GAK: variants seen among roughly 807,000 people sequenced by gnomAD.
GAK encodes the protein cyclin G associated kinase, also known as cyclin-G-associated kinase.
Under a neutral mutation model 143.9 loss-of-function variants are expected in GAK, and 79 were observed. The observed-to-expected ratio is 0.55, with a 90% CI of 0.46 to 0.66. The LOEUF is 0.66. Ranked by LOEUF, GAK falls within the 30% of genes least tolerant of loss-of-function variation. GAK has a pLI of 0.00. For synonymous variants in GAK, 881 were observed against 765.5 expected (o/e 1.15, Z -2.49); for missense variants, 1,693 against 1,779.7 (o/e 0.95, Z 0.88).
rs540513156 is a variant in GAK, at chr4:908,316, C to T, written c.382+3357G>A. ...GCCTCAAACAGAAGACGCAGTGATG[C>T]ATCCACACCAGGAAAACCAAGCAGC... On this transcript the variant is annotated intron_variant, in intron 4 of 27. Transcript: ENST00000314167. Among the ~76,000 whole-genome samples, 4 of 152,280 alleles carry T rather than the reference C, an allele frequency of 2.6e-5. No homozygotes were observed. The South Asian group carries it at 8.3e-4, about 32-fold the overall frequency.
Position 881,993 on chromosome 4 carries a change from G to A in GAK, c.1575C>T (p.Phe525=), listed in dbSNP as rs1315953767. 2 of 1,606,838 alleles carry A rather than the reference G, an allele frequency of 1.2e-6. No individual in the cohort carries two copies. Among genetic ancestry groups the A allele is most frequent in the South Asian group, 1.1e-5 (1 of 89,898 alleles). The change falls in exon 15 of 28, where the codon TTC becomes TTT. Residue 525 remains phenylalanine, a synonymous_variant. Transcript: ENST00000314167. ...SAVAVCSFLC[F]CRLFSTAEAA... Reference sequence around the variant, plus strand: ...CCTCCGCGGTGCTGAAGAGACGGCAGAAGCACAGGAAGGAGCAGACGGCCA... The same window carrying A: ...CCTCCGCGGTGCTGAAGAGACGGCAAAAGCACAGGAAGGAGCAGACGGCCA...
At chr4:872,488 C>G (rs1006098976) in intron 18 of GAK, 1 of 152,304 alleles carries the variant, frequency 6.6e-6, no homozygotes, top group Non-Finnish European at 1.5e-5. Flanking sequence ...TGCAGAGGAG[C>G]CTGCAGGCAC....
chr4:888,445 G>T (rs1716976059), intron 11 of GAK: 1 of 187,310 alleles, frequency 5.3e-6, no homozygotes, highest in Non-Finnish European at 1.1e-5. Flanking sequence ...ACCACAGGCT[G>T]GGACTCACCT....
Position 890,614 on chromosome 4 carries a change from C to T in GAK, c.999G>A (p.Glu333=), listed in dbSNP as rs1370632709. Residue 333 remains glutamate (E), a synonymous_variant, in exon 10 of 28, where the codon GAG becomes GAA. Coordinates refer to ENST00000314167, the MANE Select transcript of GAK (RefSeq NM_005255.4). Reference sequence around the variant, plus strand: ...TGGCGCTCCCGTAGCCTCCATTCTGCTCCAGGAGCTGTGACAATGAAAATG... The same window carrying T: ...TGGCGCTCCCGTAGCCTCCATTCTGTTCCAGGAGCTGTGACAATGAAAATG... The part of the protein sequence containing the change: ...NPKSPITELL[E]QNGGYGSATL... 5 of 1,610,518 alleles carry T rather than the reference C, an allele frequency of 3.1e-6. No homozygotes were observed. The African/African-American group carries it at 4.0e-5, about 13-fold the overall frequency.
Position 851,158 on chromosome 4 carries a change from C to T in GAK, c.3509-74G>A, listed in dbSNP as rs929850713. ...TGTCACCCAGGCCAGAGTGCAATGGCGTGATCTCAGCTCTCTGCAGCCTTT... is the reference window on the plus strand; with the variant it reads ...TGTCACCCAGGCCAGAGTGCAATGGTGTGATCTCAGCTCTCTGCAGCCTTT... On this transcript the variant is annotated intron_variant, in intron 25 of 27. Transcript: ENST00000314167. 2.3e-5 allele frequency: 31 copies of T among 1,338,958 alleles called. 1 individual carries two copies. The highest frequency in any genetic ancestry group is 2.0e-4 in the African/African-American group (14 of 68,852). The allele number at this position is 1,338,958 out of a possible 1,614,324, so 82.9% of individuals were successfully genotyped here. A position where few individuals can be genotyped will look rare whatever the true frequency, so the allele number is the denominator to read the frequency against.
intron 7 of GAK, 50 bp downstream of exon 7, chr4:896,410 A>T: frequency 6.6e-7 from 1 of 1,505,756 alleles, no homozygotes; most frequent in East Asian, 2.3e-5. Context: ...CCTCAGGTTA[A>T]GTAGGGCGCA....
chr4:849,408 A>T lies in GAK; in HGVS notation c.*265T>A. 1 of 526,930 alleles carries T rather than the reference A, an allele frequency of 1.9e-6. No individual in the cohort carries two copies. The highest frequency in any genetic ancestry group is 3.2e-5 in the Admixed American group (1 of 31,560). 32.6% of individuals were successfully genotyped at this position (526,930 alleles called of 1,614,324 possible). On this transcript the variant is annotated 3_prime_UTR_variant, in exon 28 of 28. Transcript: ENST00000314167. ...CGGGGCTCCAGAGGCCACGCCCGAAACACCAAATAAATCACAGACGTGACA... is the reference window on the plus strand; with the variant it reads ...CGGGGCTCCAGAGGCCACGCCCGAATCACCAAATAAATCACAGACGTGACA...
intron 7 of GAK, among the ~76,000 whole-genome samples, 163 bp downstream of exon 7, chr4:896,297 C>T (rs1216604486): frequency 6.6e-6 from 1 of 152,142 alleles, no homozygotes; most frequent in Non-Finnish European, 1.5e-5. Context: ...ACAGTGGCAG[C>T]CACAGTGATT....
intron 5 of GAK, 53 bp from the exon 6 acceptor site, chr4:898,211 C>G: frequency 6.2e-7 from 1 of 1,603,310 alleles, no homozygotes; most frequent in Non-Finnish European, 8.5e-7. Flanking sequence ...AGAGATGGGA[C>G]TTCAGGGAAA....
At chr4:856,427 C>CT (rs1560281040) in intron 24 of GAK, among the ~76,000 whole-genome samples, 21 of 140,914 alleles carry the variant, frequency 1.5e-4, no homozygotes, top group African/African-American at 2.7e-4. Flanking sequence ...CAGCTGCTCA[C>CT]ACCTGCTCAC....
intron 6 of GAK, 62 bp from the exon 7 acceptor site, chr4:896,611 G>A: frequency 2.4e-6 from 3 of 1,274,312 alleles, no homozygotes; most frequent in East Asian, 4.7e-5. Context: ...TTTTTATGTT[G>A]CACCACTTCC....
intron 5 of GAK, among the ~76,000 whole-genome samples, chr4:902,685 G>A (rs1720165971): frequency 6.6e-6 from 1 of 151,440 alleles, no homozygotes; most frequent in South Asian, 2.1e-4. Flanking sequence ...CCAGGCACAG[G>A]CTTCACAGAT....
chr4:903,255 T>C (rs569662909), intron 5 of GAK, among the ~76,000 whole-genome samples: 82 of 151,614 alleles, frequency 5.4e-4, no homozygotes, highest in Middle Eastern at 3.4e-3. Context: ...CAGTGGCTCA[T>C]GCCCACATCA....
At chr4:912,114 C>T (rs952983751) in intron 3 of GAK, 29 of 464,076 alleles carry the variant, frequency 6.2e-5, no homozygotes, top group Middle Eastern at 3.2e-4. Flanking sequence ...GAGGCTGCGG[C>T]GTGGCTGTGT....
In GAK at chr4:866,481, A is replaced by C; in HGVS notation, c.2926T>G (p.Ser976Ala). 6.2e-7 allele frequency: 1 copy of C among 1,614,074 alleles called. No individual in the cohort carries two copies. The highest frequency in any genetic ancestry group is 8.5e-7 in the Non-Finnish European group (1 of 1,179,980). ...AATTCGCCGAAGAGATCAGGATTGG[A>C]GCAGGGCTGGGAGTTGTTGCCTGAA... ...PSSGNNSQPC[S>A]NPDLFGEFLN... Residue 976 changes from serine (S) to alanine (A), a missense_variant, in exon 22 of 28, where the codon TCC becomes GCC. Transcript: ENST00000314167.
intron 19 of GAK, 91 bp from the exon 20 acceptor site, chr4:868,776 G>A: frequency 7.3e-7 from 1 of 1,379,228 alleles, no homozygotes; most frequent in Non-Finnish European, 9.7e-7. Flanking sequence ...AGCCAGGCGG[G>A]CGCCAGCACC....
At chr4:877,455 C>A (rs1714183011) in intron 16 of GAK, among the ~76,000 whole-genome samples, 160 bp downstream of exon 16, 1 of 152,218 alleles carries the variant, frequency 6.6e-6, no homozygotes, top group Non-Finnish European at 1.5e-5. Context: ...TGACCTCCTG[C>A]TGCTGACCAG....
chr4:882,099 G>A (rs2279186), intron 14 of GAK, 59 bp from the exon 15 acceptor site: 387,451 of 1,519,676 alleles, frequency 0.25, 50,226 homozygotes, highest in Non-Finnish European at 0.27. Context: ...AAGGGCTCGC[G>A]GGGTCCTCGG....
At chr4:879,874 T>A (rs937097389) in intron 15 of GAK, among the ~76,000 whole-genome samples, 1 of 152,238 alleles carries the variant, frequency 6.6e-6, no homozygotes, top group Non-Finnish European at 1.5e-5. Context: ...AGTTTCAGTA[T>A]CTCTCGACCT....
Sources: allele counts gnomAD v4.1 joint callset (sites outside exome capture counted in the v4.1 genomes callset), GRCh38; gene constraint gnomAD v4.1.1; transcripts MANE v1.5; gene names NCBI Gene and HGNC (gene_info 2026-07-23, HGNC 2026-07-21).